BCAS3: variants seen among roughly 807,000 people sequenced by gnomAD.
BCAS3 encodes BCAS4/BCAS3 fusion.
Under a neutral mutation model 116.1 loss-of-function variants are expected in BCAS3, and 53 were observed. The ratio of observed to expected loss-of-function variants is 0.46; its 90% CI spans 0.37 to 0.57. BCAS3 has a LOEUF of 0.57. Ranked by LOEUF, BCAS3 falls within the 20% of genes least tolerant of loss-of-function variation. The pLI is 0.00. For missense variants in BCAS3, 917 were observed against 1,165.4 expected, an observed-to-expected ratio of 0.79 and a Z score of 3.10; for synonymous variants, 391 against 408.2, an observed-to-expected ratio of 0.96 and a Z score of 0.51.
chr17:60,703,215 C>G (rs934722627), intron 4 of BCAS3, among the ~76,000 whole-genome samples: 2 of 151,804 alleles, frequency 1.3e-5, no homozygotes, highest in African/African-American at 4.8e-5. Context: ...GTGGAGGTTG[C>G]AGTGAGCTGA....
intron 6 of BCAS3, among the ~76,000 whole-genome samples, chr17:60,765,863 A>G (rs148965489): frequency 7.2e-5 from 11 of 152,200 alleles, no homozygotes; most frequent in African/African-American, 2.2e-4. Flanking sequence ...ACATAGTCCT[A>G]TATTTCTTGG....
At chr17:60,778,335 AT>A (rs2045499371) in intron 6 of BCAS3, among the ~76,000 whole-genome samples, 2 of 152,058 alleles carry the variant, frequency 1.3e-5, no homozygotes, top group Non-Finnish European at 2.9e-5. Flanking sequence ...AACAGAATAT[AT>A]TTTTAGTTAA....
chr17:60,722,161 T>C (rs964878748), intron 5 of BCAS3, among the ~76,000 whole-genome samples: 1 of 152,150 alleles, frequency 6.6e-6, no homozygotes, highest in Non-Finnish European at 1.5e-5. Context: ...GCTCTGAAAA[T>C]TCTTATATAT....
intron 19 of BCAS3, among the ~76,000 whole-genome samples, chr17:61,067,852 A>G (rs1248529344): frequency 6.6e-6 from 1 of 151,944 alleles, no homozygotes; most frequent in Non-Finnish European, 1.5e-5. Flanking sequence ...TATAAGCATG[A>G]TTTGCTTATA....
In BCAS3 at chr17:61,297,294, G is replaced by A. The variant is rs73328874; in HGVS notation, c.2426-71033G>A. ...AGTCACAGAGGAAGAGGCTGGGGATGGAGGAGAGAAGGTGTGTTCACTTTG... is the reference window on the plus strand; with the variant it reads ...AGTCACAGAGGAAGAGGCTGGGGATAGAGGAGAGAAGGTGTGTTCACTTTG... On this transcript the variant is annotated intron_variant, in intron 22 of 23. Coordinates refer to ENST00000407086, the MANE Select transcript of BCAS3 (RefSeq NM_017679.5). Among the ~76,000 whole-genome samples the A allele has an allele frequency of 5.0e-3, 765 of 152,294 alleles. 5 individuals are homozygous for A. The highest frequency in any genetic ancestry group is 0.017 in the African/African-American group (713 of 41,548).
chr17:60,867,259 C>T (rs1439215819), intron 7 of BCAS3, among the ~76,000 whole-genome samples: 2 of 151,892 alleles, frequency 1.3e-5, no homozygotes, highest in Non-Finnish European at 2.9e-5. Flanking sequence ...GTGCTTGACA[C>T]CATGCCCGGA....
Position 61,259,007 on chromosome 17 carries a change from G to A in BCAS3, c.2426-109320G>A, listed in dbSNP as rs540212384. On this transcript the variant is annotated intron_variant, in intron 22 of 23. Transcript: ENST00000407086. This position sits in a 1 kb window ranked among gnomAD's most constrained non-coding sequence, Gnocchi z 4.7. ...TTCCTTCTTAAACCCAAGGGTCTAA[G>A]TATCAGTGCCCTTCTCTCCTAAACA... Among the ~76,000 whole-genome samples the A allele has an allele frequency of 9.8e-5, 15 of 152,312 alleles. No individual in the cohort carries two copies. The highest frequency in any genetic ancestry group is 1.8e-4 in the Non-Finnish European group (12 of 68,028).
intron 22 of BCAS3, among the ~76,000 whole-genome samples, chr17:61,232,651 C>G: frequency 6.6e-6 from 1 of 152,114 alleles, no homozygotes; most frequent in East Asian, 1.9e-4. Flanking sequence ...GACCGGTGTT[C>G]TCTTTCTTAA....
rs113520863 is a variant in BCAS3, at chr17:61,220,296, A to AAAACAAACAAAC, written c.2425+135743_2425+135744insCAAACAAACAAA. ...GCAACAGAGTGAGACTCCATCTCAA[A>AAAACAAACAAAC]AAACAAACAAAAAACAAAAAAACTG... is the stretch of plus-strand genomic sequence containing the variant. On this transcript the variant is annotated intron_variant, in intron 22 of 23. Coordinates refer to ENST00000407086, the MANE Select transcript of BCAS3 (RefSeq NM_017679.5). The surrounding 1 kb of genome is among the most constrained non-coding windows in gnomAD (Gnocchi z 4.5). Among the ~76,000 whole-genome samples the AAAACAAACAAAC allele has an allele frequency of 7.2e-5, 11 of 151,816 alleles. 1 individual carries two copies. The highest frequency in any genetic ancestry group is 3.4e-3 in the Middle Eastern group (1 of 294).
At chr17:60,814,306 T>TGTGCGCGCGCGCGCGTGTGCGC (rs368289350) in intron 7 of BCAS3, among the ~76,000 whole-genome samples, 2 of 148,198 alleles carry the variant, frequency 1.3e-5, no homozygotes, top group African/African-American at 5.0e-5. Flanking sequence ...TGTGTGTGTG[T>TGTGCGCGCGCGCGCGTGTGCGC]GCGCGCGTGC....
intron 22 of BCAS3, among the ~76,000 whole-genome samples, chr17:61,250,638 T>C (rs1467164693): frequency 1.3e-5 from 2 of 152,236 alleles, no homozygotes; most frequent in African/African-American, 4.8e-5. Context: ...AGTCTCCCGT[T>C]TTCGGACAGC....
At chr17:61,193,267 C>CAATA (rs1214674265) in intron 22 of BCAS3, among the ~76,000 whole-genome samples, 2 of 151,256 alleles carry the variant, frequency 1.3e-5, no homozygotes, top group Non-Finnish European at 3.0e-5. Context: ...GTTTCAAAAA[C>CAATA]AATAAATAAA....
chr17:60,833,154 A>G (rs2051088761), intron 7 of BCAS3, among the ~76,000 whole-genome samples: 1 of 152,170 alleles, frequency 6.6e-6, no homozygotes, highest in Non-Finnish European at 1.5e-5. Flanking sequence ...GGTGCGAGCC[A>G]CTGTACCTGG....
At chr17:61,283,850 A>G (rs1602403686) in intron 22 of BCAS3, among the ~76,000 whole-genome samples, 5 of 140,830 alleles carry the variant, frequency 3.6e-5, no homozygotes, top group Non-Finnish European at 6.2e-5. Flanking sequence ...TGCAGCCTCA[A>G]CCTCCTGGGC....
intron 13 of BCAS3, among the ~76,000 whole-genome samples, chr17:60,930,700 C>G (rs1026704919): frequency 6.6e-6 from 1 of 152,116 alleles, no homozygotes; most frequent in Admixed American, 6.5e-5. Flanking sequence ...TCAGGTAATC[C>G]GCCTGCCTCA....
intron 22 of BCAS3, among the ~76,000 whole-genome samples, chr17:61,296,330 C>CTTT (rs1568781667): frequency 1.3e-5 from 2 of 152,100 alleles, no homozygotes; most frequent in Non-Finnish European, 2.9e-5. Flanking sequence ...GCAACTAGCA[C>CTTT]GATCACTATG....
intron 6 of BCAS3, 31 bp downstream of exon 6, chr17:60,747,310 C>T (rs1456025459): frequency 1.3e-6 from 2 of 1,539,178 alleles, no homozygotes; most frequent in African/African-American, 1.4e-5. Flanking sequence ...AAGAATCTTT[C>T]AGAAAAGAGT....
rs1384816329 is a variant in BCAS3 at position 61,227,729 on chromosome 17, T to TCAAGTA, written c.2426-140596_2426-140595insAGTACA. Among the ~76,000 whole-genome samples the TCAAGTA allele has an allele frequency of 6.6e-6, 1 of 152,222 alleles. No individual in the cohort carries two copies. The highest frequency in any genetic ancestry group is 1.5e-5 in the Non-Finnish European group (1 of 68,048). On this transcript the variant is annotated intron_variant, in intron 22 of 23. Transcript: ENST00000407086. The surrounding 1 kb of genome is among the most constrained non-coding windows in gnomAD (Gnocchi z 6.1). ...GCTACTCCGAAGGTGATTTTTAGAA[T>TCAAGTA]CAGAAACCTGTACTTGAGAAACATA...
In BCAS3 at chr17:60,967,657, A is replaced by G. The variant is rs554865467; in HGVS notation, c.1221+20305A>G. 1.1e-4 allele frequency among the ~76,000 whole-genome samples: 16 copies of G among 152,174 alleles called. No homozygotes were observed. The highest frequency in any genetic ancestry group is 3.9e-4 in the East Asian group (2 of 5,176). On this transcript the variant is annotated intron_variant, in intron 14 of 23. Transcript: ENST00000407086. The surrounding 1 kb of genome is among the most constrained non-coding windows in gnomAD (Gnocchi z 4.7). ...AGTCTTATCTCCCTCTTGAATACCA[A>G]TAATTCTTAGATTTGGTCTTTTGAG... is the stretch of plus-strand genomic sequence containing the variant.
Sources: allele counts gnomAD v4.1 joint callset (sites outside exome capture counted in the v4.1 genomes callset), GRCh38; gene constraint gnomAD v4.1.1; non-coding constraint Gnocchi (gnomAD v3.1); transcripts MANE v1.5; gene names NCBI Gene and HGNC (gene_info 2026-07-23, HGNC 2026-07-21).